SLIT2: variants seen among roughly 807,000 people sequenced by gnomAD.
The protein encoded by SLIT2 is slit homolog 2 protein.
A neutral mutation model predicts 185.7 loss-of-function variants in SLIT2; 41 were observed. The observed-to-expected ratio is 0.22, with a 90% CI of 0.17 to 0.29. The LOEUF is 0.29. SLIT2 is among the 10% of genes least tolerant of loss of function. SLIT2 has a pLI of 1.00. For missense variants in SLIT2, 1,571 were observed against 1,909.0 expected (o/e 0.82, Z 3.30); for synonymous variants, 693 against 680.2 (o/e 1.02, Z -0.29).
At position 20,389,465 on chromosome 4, in the gene SLIT2, G is replaced by C. The variant is rs185492551; in HGVS notation, c.396-78287G>C. Among the ~76,000 whole-genome samples the C allele has an allele frequency of 2.6e-5, 4 of 151,732 alleles. No homozygotes were observed. In the South Asian group the frequency reaches 8.3e-4, roughly 31 times the overall value. Reference sequence around the variant, plus strand: ...CTATCTCTTCTGGAGTGAACACAACGTGTGGCAGAGTTCCCAGCTAATGTA... The same window carrying C: ...CTATCTCTTCTGGAGTGAACACAACCTGTGGCAGAGTTCCCAGCTAATGTA... On this transcript the variant is annotated intron_variant, in intron 4 of 36. Coordinates refer to ENST00000504154, the MANE Select transcript of SLIT2 (RefSeq NM_004787.4).
At chr4:20,419,103 C>T (rs1237203528) in intron 4 of SLIT2, among the ~76,000 whole-genome samples, 2 of 152,146 alleles carry the variant, frequency 1.3e-5, no homozygotes, top group Non-Finnish European at 2.9e-5. Context: ...AAGTATTATA[C>T]ACACTTTCAA....
chr4:20,466,573 AT>A (rs1405298419), intron 4 of SLIT2, among the ~76,000 whole-genome samples: 1 of 152,200 alleles, frequency 6.6e-6, no homozygotes, highest in Non-Finnish European at 1.5e-5. Flanking sequence ...CTTGGTGCTA[AT>A]AAGGTCAAGA....
At chr4:20,599,241 G>A (rs1469371438) in intron 33 of SLIT2, among the ~76,000 whole-genome samples, 1 of 152,042 alleles carries the variant, frequency 6.6e-6, no homozygotes, top group African/African-American at 2.4e-5. Context: ...TGGTATTCGT[G>A]GGGTATAATT....
chr4:20,303,524 C>T (rs1392721421), intron 4 of SLIT2, among the ~76,000 whole-genome samples: 3 of 151,964 alleles, frequency 2.0e-5, no homozygotes, highest in African/African-American at 7.3e-5. Context: ...AAGACAGATG[C>T]CTCTTCCTCT....
chr4:20,564,991 A>G (rs1406477533), intron 26 of SLIT2, among the ~76,000 whole-genome samples: 1 of 152,010 alleles, frequency 6.6e-6, no homozygotes, highest in Non-Finnish European at 1.5e-5. Context: ...TGGTAAAATG[A>G]ACATGAACTA....
chr4:20,326,793 C>T (rs184048512), intron 4 of SLIT2, among the ~76,000 whole-genome samples: 8 of 129,346 alleles, frequency 6.2e-5, no homozygotes, highest in African/African-American at 2.1e-4. Flanking sequence ...AGTTCTGGCT[C>T]CAGTTAGAAA....
intron 4 of SLIT2, among the ~76,000 whole-genome samples, chr4:20,316,199 C>A (rs1221207585): frequency 6.6e-6 from 1 of 151,986 alleles, no homozygotes; most frequent in Non-Finnish European, 1.5e-5. Flanking sequence ...GGTCTTTTAC[C>A]TACAAGGAGT....
intron 4 of SLIT2, among the ~76,000 whole-genome samples, chr4:20,436,925 A>G (rs1365850883): frequency 6.6e-6 from 1 of 152,214 alleles, no homozygotes; most frequent in African/African-American, 2.4e-5. Context: ...GCAAAGTCCA[A>G]AAATTAGAGG....
intron 9 of SLIT2, among the ~76,000 whole-genome samples, chr4:20,507,862 G>T (rs979271187): frequency 2.0e-5 from 3 of 151,746 alleles, no homozygotes; most frequent in Non-Finnish European, 4.4e-5. Flanking sequence ...ATACTTAATT[G>T]ACCAAGACAT....
rs559673258 is a variant in SLIT2 at position 20,449,676 on chromosome 4, G to A, written c.396-18076G>A. 5.3e-4 allele frequency among the ~76,000 whole-genome samples: 80 copies of A among 151,964 alleles called. No homozygotes were observed. In the South Asian group the frequency reaches 0.014, roughly 27 times the overall value. On this transcript the variant is annotated intron_variant, in intron 4 of 36. Coordinates refer to ENST00000504154, the MANE Select transcript of SLIT2 (RefSeq NM_004787.4). ...CCCACCTCGGCCTCTCAAAGTGCTG[G>A]GATTACACGCGTGAGCCACCGCACC...
chr4:20,609,298 G>A (rs1008007092), intron 33 of SLIT2, among the ~76,000 whole-genome samples: 8 of 152,024 alleles, frequency 5.3e-5, no homozygotes, highest in African/African-American at 1.9e-4. Context: ...CCTGGCCCTT[G>A]AAAATTATAG....
chr4:20,558,833 G>A (rs951190435), intron 26 of SLIT2, among the ~76,000 whole-genome samples: 2 of 152,016 alleles, frequency 1.3e-5, no homozygotes, highest in African/African-American at 4.8e-5. Context: ...ACTATTCAAT[G>A]TGGTAGCCAC....
intron 4 of SLIT2, among the ~76,000 whole-genome samples, chr4:20,312,092 A>G (rs1718161165): frequency 6.6e-6 from 1 of 152,210 alleles, no homozygotes. Flanking sequence ...CTGCAACCTG[A>G]GAAGTTTTTA....
chr4:20,530,276 T>G (rs1011879655), intron 16 of SLIT2, among the ~76,000 whole-genome samples: 1 of 147,832 alleles, frequency 6.8e-6, no homozygotes, highest in South Asian at 2.1e-4. Flanking sequence ...CAATAGTACT[T>G]TTTTTTTTTT....
chr4:20,548,601 G>A (rs1225386930), intron 23 of SLIT2, 42 bp downstream of exon 23: 1 of 1,163,396 alleles, frequency 8.6e-7, no homozygotes, highest in Non-Finnish European at 1.3e-6. Flanking sequence ...TTAATTCAAT[G>A]GACAAAAGGC....
chr4:20,563,720 C>T (rs1198444168), intron 26 of SLIT2, among the ~76,000 whole-genome samples: 4 of 151,782 alleles, frequency 2.6e-5, no homozygotes, highest in African/African-American at 9.7e-5. Flanking sequence ...GAAATTTGGA[C>T]AAACAAGAAA....
chr4:20,297,876 G>A (rs958632696), intron 4 of SLIT2, among the ~76,000 whole-genome samples: 1 of 152,076 alleles, frequency 6.6e-6, no homozygotes, highest in South Asian at 2.1e-4. Context: ...TAATACCAGT[G>A]TATTTCAAAG....
chr4:20,535,345 G>A (rs1722177570), intron 18 of SLIT2, among the ~76,000 whole-genome samples: 1 of 151,852 alleles, frequency 6.6e-6, no homozygotes, highest in Admixed American at 6.6e-5. Context: ...TGTAGGAAGA[G>A]GATAGAAAAG....
At chr4:20,553,068 C>A (rs1406502337) in intron 25 of SLIT2, among the ~76,000 whole-genome samples, 1 of 152,140 alleles carries the variant, frequency 6.6e-6, no homozygotes, top group Non-Finnish European at 1.5e-5. Context: ...GTAAAATGAA[C>A]GATCTTGAAA....
Sources: allele counts gnomAD v4.1 joint callset (sites outside exome capture counted in the v4.1 genomes callset), GRCh38; gene constraint gnomAD v4.1.1; transcripts MANE v1.5; gene names NCBI Gene and HGNC (gene_info 2026-07-23, HGNC 2026-07-21).